Variants in OR2C1 observed in about 807,000 individuals in gnomAD.
OR2C1 encodes the protein olfactory receptor family 2 subfamily C member 1, also known as olfactory receptor 2C1.
For synonymous variants in OR2C1, 209 were observed against 167.3 expected, an observed-to-expected ratio of 1.25 and a Z score of -1.92; for missense variants, 468 against 388.3, an observed-to-expected ratio of 1.21 and a Z score of -1.73.
At chr16:3,347,115 T>G in the OR2C1 span, among the ~76,000 whole-genome samples, 1 of 150,472 alleles carries the variant, frequency 6.6e-6, no homozygotes, top group Non-Finnish European at 1.5e-5. Flanking sequence ...GGCACAGTGG[T>G]GCGTGCCTGT....
At chr16:3,333,837 T>G in the OR2C1 span, among the ~76,000 whole-genome samples, 3 of 152,200 alleles carry the variant, frequency 2.0e-5, no homozygotes, top group Non-Finnish European at 4.4e-5. Flanking sequence ...AGGTCTTAGA[T>G]TTAAGTCTTT....
the OR2C1 span, among the ~76,000 whole-genome samples, chr16:3,332,657 C>T: frequency 6.6e-6 from 1 of 151,752 alleles, no homozygotes; most frequent in Non-Finnish European, 1.5e-5. Flanking sequence ...TCAGTTCCAT[C>T]TGTGATGCTA....
At chr16:3,351,198 T>C (rs67187418), upstream of OR2C1, among the ~76,000 whole-genome samples, 119,403 of 137,706 alleles carry the variant, frequency 0.87, 51,973 homozygotes, top group East Asian at 0.94. Flanking sequence ...TGAATTTAAG[T>C]CTTTTTTCTT....
rs866126700 is a variant in OR2C1 at position 3,356,744 on chromosome 16, G to C, written c.804G>C (p.Gln268His). 1.2e-6 allele frequency: 2 copies of C among 1,613,698 alleles called. No individual in the cohort carries two copies. The highest frequency in any genetic ancestry group is 1.7e-6 in the Non-Finnish European group (2 of 1,179,752). Residue 268 changes from glutamine to histidine, a missense_variant, in exon 1 of 1, where the codon CAG (glutamine) becomes CAC (histidine). Transcript: ENST00000304936. ...GYLLPAKNSK[Q>H]DQGKFISLFY... is the part of the protein sequence containing the mutation. ...TGCTTCCGGCCAAGAACAGCAAACAGGACCAGGGCAAGTTCATTTCCCTGT... is the reference window on the plus strand; with the variant it reads ...TGCTTCCGGCCAAGAACAGCAAACACGACCAGGGCAAGTTCATTTCCCTGT...
chr16:3,332,486 A>G, the OR2C1 span, among the ~76,000 whole-genome samples: 2 of 152,158 alleles, frequency 1.3e-5, no homozygotes, highest in African/African-American at 4.8e-5. Context: ...TATTTGTACC[A>G]ATTAATCAAC....
chr16:3,345,758 G>A, the OR2C1 span, among the ~76,000 whole-genome samples: 3,636 of 142,146 alleles, frequency 0.026, 135 homozygotes, highest in African/African-American at 0.088. Flanking sequence ...CCTCTCTCTC[G>A]TTCTCTCTTT....
chr16:3,332,494 A>G, the OR2C1 span, among the ~76,000 whole-genome samples: 2 of 152,018 alleles, frequency 1.3e-5, no homozygotes, highest in African/African-American at 2.4e-5. Context: ...CCAATTAATC[A>G]ACCTCTTTTT....
the OR2C1 span, among the ~76,000 whole-genome samples, chr16:3,349,120 C>G: frequency 3.3e-5 from 5 of 152,170 alleles, no homozygotes; most frequent in Non-Finnish European, 5.9e-5. Context: ...CACCACCCCC[C>G]TCCCCCACGT....
the OR2C1 span, among the ~76,000 whole-genome samples, chr16:3,349,450 G>A: frequency 2.6e-5 from 4 of 152,264 alleles, no homozygotes; most frequent in Admixed American, 6.5e-5. Context: ...GAAGAGCCCC[G>A]AGGTTAAAAG....
chr16:3,352,329 A>G (rs1425240622), upstream of OR2C1, among the ~76,000 whole-genome samples: 4 of 152,110 alleles, frequency 2.6e-5, no homozygotes, highest in East Asian at 5.8e-4. Flanking sequence ...GTTCGCCAGG[A>G]TGGTCTTGGT....
At chr16:3,340,519 C>T in the OR2C1 span, among the ~76,000 whole-genome samples, 1 of 152,114 alleles carries the variant, frequency 6.6e-6, no homozygotes, top group African/African-American at 2.4e-5. Context: ...GAATCCATTG[C>T]CAAATCCAAG....
chr16:3,355,471 A>AAAG (rs910791358), upstream of OR2C1, among the ~76,000 whole-genome samples: 2 of 143,032 alleles, frequency 1.4e-5, no homozygotes, highest in African/African-American at 5.2e-5. Context: ...AAAAAAAAAA[A>AAAG]AGCTTGCAAT....
chr16:3,347,568 T>A, the OR2C1 span, among the ~76,000 whole-genome samples: 22 of 152,010 alleles, frequency 1.4e-4, no homozygotes, highest in African/African-American at 5.3e-4. Flanking sequence ...CTGCTTGCTT[T>A]TTTCTTTCCT....
the OR2C1 span, among the ~76,000 whole-genome samples, chr16:3,349,181 G>T: frequency 6.6e-6 from 1 of 152,104 alleles, no homozygotes; most frequent in Non-Finnish European, 1.5e-5. Context: ...ACCTTGAAAA[G>T]AATAAAGTCA....
chr16:3,345,378 C>T, the OR2C1 span, among the ~76,000 whole-genome samples: 7 of 151,452 alleles, frequency 4.6e-5, no homozygotes, highest in African/African-American at 1.2e-4. Flanking sequence ...CCCAGCTACT[C>T]GGGAGGCTGA....
At chr16:3,329,855 A>G in the OR2C1 span, among the ~76,000 whole-genome samples, 1 of 131,670 alleles carries the variant, frequency 7.6e-6, no homozygotes, top group South Asian at 2.5e-4. Flanking sequence ...CCCGGGTTCA[A>G]GTGATTCCCC....
At chr16:3,324,124 A>G in the OR2C1 span, among the ~76,000 whole-genome samples, 1 of 152,244 alleles carries the variant, frequency 6.6e-6, no homozygotes, top group Non-Finnish European at 1.5e-5. Context: ...AGCATTAGAA[A>G]AATTCCTAAA....
chr16:3,328,861 C>T, the OR2C1 span, among the ~76,000 whole-genome samples: 1 of 152,242 alleles, frequency 6.6e-6, no homozygotes, highest in South Asian at 2.1e-4. Context: ...TCTAAACTTG[C>T]CTGGTGGAGA....
upstream of OR2C1, among the ~76,000 whole-genome samples, chr16:3,351,230 T>TC (rs1195207849): frequency 3.3e-5 from 4 of 120,966 alleles, no homozygotes; most frequent in Non-Finnish European, 1.7e-5. Context: ...CTTTTTCTTT[T>TC]TTTTTTTTTT....
Sources: gnomAD v4.1 joint callset for allele counts (sites outside exome capture counted in the v4.1 genomes callset) on GRCh38, gnomAD v4.1.1 for gene constraint, MANE v1.5 for transcripts, NCBI Gene and HGNC (gene_info 2026-07-23, HGNC 2026-07-21) for gene names.